AHCYL2: variants seen among roughly 807,000 people sequenced by gnomAD.
AHCYL2 encodes the protein S-adenosylhomocysteine hydrolase-like protein 2.
A neutral mutation model predicts 81.4 loss-of-function variants in AHCYL2; 28 were observed. The observed-to-expected ratio is 0.34, with a 90% confidence interval of 0.25 to 0.47. The LOEUF (loss-of-function observed/expected upper bound fraction) is 0.47. Among genes scored for constraint, AHCYL2 ranks in the 20% least tolerant of loss-of-function variants. The probability of loss-of-function intolerance (pLI) is 1.00; values close to 1 mark genes in which losing one functional copy is unlikely to be tolerated. For missense variants in AHCYL2, 551 were observed against 785.1 expected, an observed-to-expected ratio of 0.70 and a Z score of 3.56; for synonymous variants, 272 against 290.2, an observed-to-expected ratio of 0.94 and a Z score of 0.64.
rs987619229 is a variant in AHCYL2, at chr7:129,428,966, T to C, written c.*1921T>C. The C allele has an allele frequency of 4.6e-5, 7 of 152,228 alleles. No homozygotes were observed. The highest frequency in any genetic ancestry group is 1.7e-4 in the African/African-American group (7 of 41,468). The allele number at this position is 152,228 out of a possible 1,614,324, so 9.4% of individuals were successfully genotyped here. A position where few individuals can be genotyped will look rare whatever the true frequency, so the allele number is the denominator to read the frequency against. ...TAATTGGTTCCCTTTAGCAAGGGATTCAGATCTTTGTACCTTATCTTATAT... is the reference window on the plus strand; with the variant it reads ...TAATTGGTTCCCTTTAGCAAGGGATCCAGATCTTTGTACCTTATCTTATAT... On this transcript the variant is annotated 3_prime_UTR_variant, in exon 17 of 17. Transcript: ENST00000325006.
At position 129,370,524 on chromosome 7, in the gene AHCYL2, C is replaced by G. The variant is rs570265102; in HGVS notation, c.364-9114C>G. The stretch of plus-strand genomic sequence containing the variant: ...TCATCCTGGCTAACACAGTGAAACC[C>G]GGTCTCTACTAAAAATACAAAAAAT... On this transcript the variant is annotated intron_variant, in intron 1 of 16. Transcript: ENST00000325006. Among the ~76,000 whole-genome samples the G allele has an allele frequency of 4.8e-4, 73 of 152,044 alleles. 1 individual carries two copies. Among genetic ancestry groups the G allele is most frequent in the Non-Finnish European group, 9.1e-4 (62 of 67,988 alleles).
At chr7:129,389,799 T>A in intron 4 of AHCYL2, 65 bp downstream of exon 4, 1 of 1,364,212 alleles carries the variant, frequency 7.3e-7, no homozygotes, top group Non-Finnish European at 1.0e-6. Context: ...TACTGAAAGC[T>A]TACAACATGC....
chr7:129,388,211 A>G (rs1401483903), intron 2 of AHCYL2: 1 of 152,182 alleles, frequency 6.6e-6, no homozygotes, highest in Non-Finnish European at 1.5e-5. Context: ...AACACAAATC[A>G]GGGAAGGACA....
At chr7:129,240,561 G>A (rs536427100) in intron 1 of AHCYL2, among the ~76,000 whole-genome samples, 62 of 152,196 alleles carry the variant, frequency 4.1e-4, no homozygotes, top group African/African-American at 1.5e-3. Context: ...AGTTTGATTT[G>A]GATTCCTGTT....
chr7:129,254,638 G>A (rs1403660002), intron 1 of AHCYL2, among the ~76,000 whole-genome samples: 1 of 152,132 alleles, frequency 6.6e-6, no homozygotes, highest in East Asian at 1.9e-4. Flanking sequence ...GGCTTTCTTT[G>A]TGGCACCATA....
At chr7:129,285,054 G>A (rs1273388042) in intron 1 of AHCYL2, among the ~76,000 whole-genome samples, 2 of 152,172 alleles carry the variant, frequency 1.3e-5, no homozygotes, top group Non-Finnish European at 2.9e-5. Context: ...GCTGCTCAGG[G>A]GTTAATAAGG....
chr7:129,228,487 A>G (rs1305581100), intron 1 of AHCYL2, among the ~76,000 whole-genome samples: 2 of 152,252 alleles, frequency 1.3e-5, no homozygotes, highest in Non-Finnish European at 2.9e-5. Context: ...ATATTTAATT[A>G]TAGTGTCCTT....
intron 1 of AHCYL2, chr7:129,375,734 A>C: frequency 6.8e-7 from 1 of 1,465,572 alleles, no homozygotes; most frequent in Non-Finnish European, 9.0e-7. Context: ...ATTCCAAGGA[A>C]GAGTAGTCCC....
chr7:129,394,156 A>G (rs1795600076), intron 4 of AHCYL2, among the ~76,000 whole-genome samples: 1 of 151,498 alleles, frequency 6.6e-6, no homozygotes, highest in Admixed American at 6.6e-5. Flanking sequence ...CTACAGGCAT[A>G]TACCACTATG....
chr7:129,356,025 GT>G (rs1033611840), intron 1 of AHCYL2, among the ~76,000 whole-genome samples: 1 of 152,112 alleles, frequency 6.6e-6, no homozygotes, highest in African/African-American at 2.4e-5. Context: ...ATTTGAATGT[GT>G]TATGTTGAAA....
intron 1 of AHCYL2, among the ~76,000 whole-genome samples, chr7:129,305,877 A>T (rs960018242): frequency 6.6e-6 from 1 of 152,142 alleles, no homozygotes; most frequent in African/African-American, 2.4e-5. Context: ...CTGTTCTAGG[A>T]TAAAAGATTT....
At chr7:129,294,612 C>G (rs1395189977) in intron 1 of AHCYL2, among the ~76,000 whole-genome samples, 1 of 152,188 alleles carries the variant, frequency 6.6e-6, no homozygotes, top group Non-Finnish European at 1.5e-5. Flanking sequence ...CTAAATATCT[C>G]TCTTTCTACT....
At chr7:129,300,156 CTT>C (rs1330381594) in intron 1 of AHCYL2, among the ~76,000 whole-genome samples, 2 of 152,076 alleles carry the variant, frequency 1.3e-5, no homozygotes, top group East Asian at 3.8e-4. Context: ...CTATTATACT[CTT>C]TTAGTTATTT....
At chr7:129,276,370 T>G (rs544180016) in intron 1 of AHCYL2, among the ~76,000 whole-genome samples, 1 of 151,934 alleles carries the variant, frequency 6.6e-6, no homozygotes, top group South Asian at 2.1e-4. Context: ...GTCTTAGTAT[T>G]TGACTGAGAA....
chr7:129,262,978 A>G (rs1231089802), intron 1 of AHCYL2, among the ~76,000 whole-genome samples: 1 of 152,218 alleles, frequency 6.6e-6, no homozygotes, highest in Admixed American at 6.5e-5. Flanking sequence ...AGGTGGGACC[A>G]TAAAAGAAAG....
intron 1 of AHCYL2, among the ~76,000 whole-genome samples, chr7:129,237,818 C>T (rs529067529): frequency 6.6e-5 from 10 of 152,142 alleles, no homozygotes; most frequent in African/African-American, 1.9e-4. Flanking sequence ...CTCCATCTCC[C>T]GGGTTCAAGC....
At chr7:129,333,708 C>T (rs1798500816) in intron 1 of AHCYL2, among the ~76,000 whole-genome samples, 2 of 152,246 alleles carry the variant, frequency 1.3e-5, no homozygotes, top group South Asian at 4.1e-4. Context: ...CCTATAGTGC[C>T]ACCCAAAACT....
At chr7:129,269,850 CAAAT>C (rs1028743953) in intron 1 of AHCYL2, among the ~76,000 whole-genome samples, 8 of 152,172 alleles carry the variant, frequency 5.3e-5, no homozygotes, top group African/African-American at 9.7e-5. Context: ...TAATATATGT[CAAAT>C]AAATTATTTG....
At chr7:129,281,489 ATTTTTT>A (rs34422629) in intron 1 of AHCYL2, among the ~76,000 whole-genome samples, 22 of 74,170 alleles carry the variant, frequency 3.0e-4, no homozygotes, top group South Asian at 2.2e-3. Context: ...CTGTTTCTAG[ATTTTTT>A]TTTTTTTTTT....
Sources: allele counts gnomAD v4.1 joint callset (sites outside exome capture counted in the v4.1 genomes callset), GRCh38; gene constraint gnomAD v4.1.1; transcripts MANE v1.5; gene names NCBI Gene and HGNC (gene_info 2026-07-23, HGNC 2026-07-21).